Variants in SIPA1L1 observed in about 807,000 individuals in gnomAD.
SIPA1L1 encodes the protein signal-induced proliferation-associated 1-like protein 1.
In SIPA1L1, 26 loss-of-function variants were observed where a neutral mutation model predicts 162.7. That is an observed-to-expected ratio of 0.16 (90% CI 0.12 to 0.22). The LOEUF (loss-of-function observed/expected upper bound fraction) is 0.22, where lower values mean the gene tolerates loss of function less well. SIPA1L1 is among the 10% of genes least tolerant of loss of function. The probability of loss-of-function intolerance (pLI) is 1.00; values close to 1 mark genes in which losing one functional copy is unlikely to be tolerated. For missense variants in SIPA1L1, 1,874 were observed against 2,241.0 expected (o/e 0.84, Z 3.31); for synonymous variants, 829 against 837.4 (o/e 0.99, Z 0.17).
At chr14:71,466,054 C>T (rs571527550) in intron 2 of SIPA1L1, among the ~76,000 whole-genome samples, 1 of 152,312 alleles carries the variant, frequency 6.6e-6, no homozygotes, top group Admixed American at 6.5e-5. Flanking sequence ...CCCTCACAGA[C>T]ACACCCAGGA....
intron 3 of SIPA1L1, among the ~76,000 whole-genome samples, chr14:71,518,841 A>G (rs536913606): frequency 7.9e-5 from 12 of 152,152 alleles, no homozygotes; most frequent in Non-Finnish European, 1.3e-4. Context: ...GTTTAATTGG[A>G]CTTACAGTTC....
rs1363646849 is a variant in SIPA1L1 at position 71,377,079 on chromosome 14, G to A, written c.-465+55898G>A. 6.6e-6 allele frequency among the ~76,000 whole-genome samples: 1 copy of A among 152,200 alleles called. No homozygotes were observed. Among genetic ancestry groups the A allele is most frequent in the Non-Finnish European group, 1.5e-5 (1 of 68,020 alleles). ...TCCCAGACGGGGTGGCAGCTGGGCAGAGGGGCTCCTCACTTTCCAGATGTG... is the reference window on the plus strand; with the variant it reads ...TCCCAGACGGGGTGGCAGCTGGGCAAAGGGGCTCCTCACTTTCCAGATGTG... On this transcript the variant is annotated intron_variant, in intron 2 of 23. Transcript: ENST00000381232. This position sits in a 1 kb window ranked among gnomAD's most constrained non-coding sequence, Gnocchi z 4.8.
At chr14:71,378,454 T>C (rs2039608280) in intron 2 of SIPA1L1, among the ~76,000 whole-genome samples, 3 of 152,188 alleles carry the variant, frequency 2.0e-5, no homozygotes, top group Admixed American at 6.5e-5. Context: ...GTTTCATACA[T>C]TGGGGATTTT....
At chr14:71,532,335 T>C (rs1268569180) in intron 4 of SIPA1L1, among the ~76,000 whole-genome samples, 2 of 152,234 alleles carry the variant, frequency 1.3e-5, no homozygotes, top group East Asian at 3.8e-4. Flanking sequence ...TGTTTGTTTC[T>C]TGTGGAATGG....
At chr14:71,325,702 G>A (rs1013878683) in intron 2 of SIPA1L1, among the ~76,000 whole-genome samples, 1 of 152,218 alleles carries the variant, frequency 6.6e-6, no homozygotes, top group African/African-American at 2.4e-5. Context: ...GTAAGTAGTA[G>A]TGCATTGGTG....
intron 2 of SIPA1L1, among the ~76,000 whole-genome samples, chr14:71,503,100 G>C (rs2050386178): frequency 6.6e-6 from 1 of 152,108 alleles, no homozygotes; most frequent in Non-Finnish European, 1.5e-5. Context: ...ATAAATTTTA[G>C]CATGATGAAG....
At chr14:71,502,407 T>TTG (rs113441124) in intron 2 of SIPA1L1, among the ~76,000 whole-genome samples, 4,634 of 149,048 alleles carry the variant, frequency 0.031, 109 homozygotes, top group African/African-American at 0.07. Context: ...CCTGGCAATT[T>TTG]TGTGTGTGTG....
At chr14:71,609,560 G>C (rs1343670269) in intron 5 of SIPA1L1, among the ~76,000 whole-genome samples, 6 of 151,912 alleles carry the variant, frequency 3.9e-5, no homozygotes, top group Non-Finnish European at 8.8e-5. Flanking sequence ...TCCGCCTCCT[G>C]GGTTCAAGTG....
intron 4 of SIPA1L1, among the ~76,000 whole-genome samples, chr14:71,545,518 C>G (rs947791479): frequency 6.6e-6 from 1 of 151,992 alleles, no homozygotes; most frequent in Admixed American, 6.6e-5. Flanking sequence ...ATAACAATTG[C>G]TGTTTGTGTA....
At chr14:71,629,948 A>T (rs1258620213) in intron 7 of SIPA1L1, among the ~76,000 whole-genome samples, 3 of 152,196 alleles carry the variant, frequency 2.0e-5, no homozygotes, top group Admixed American at 2.0e-4. Flanking sequence ...TCGCCTATTC[A>T]TTGCCTTGCT....
At chr14:71,702,087 G>A (rs1323127974) in intron 14 of SIPA1L1, among the ~76,000 whole-genome samples, 4 of 152,168 alleles carry the variant, frequency 2.6e-5, no homozygotes, top group African/African-American at 9.7e-5. Context: ...GAAAATTTTG[G>A]TTTCTTATAC....
intron 2 of SIPA1L1, among the ~76,000 whole-genome samples, chr14:71,495,417 T>G (rs1344773672): frequency 6.6e-6 from 1 of 151,268 alleles, no homozygotes; most frequent in Non-Finnish European, 1.5e-5. Context: ...TGTTTTTATA[T>G]TTTCTTTTAT....
intron 2 of SIPA1L1, among the ~76,000 whole-genome samples, chr14:71,419,733 A>G (rs2043053681): frequency 6.6e-6 from 1 of 151,724 alleles, no homozygotes; most frequent in Non-Finnish European, 1.5e-5. Flanking sequence ...TCCTGACCTC[A>G]TGATCCACCT....
At chr14:71,704,710 G>A in intron 15 of SIPA1L1, 1 of 1,609,230 alleles carries the variant, frequency 6.2e-7, no homozygotes, top group Non-Finnish European at 8.5e-7. Flanking sequence ...TGTCTTTTCT[G>A]TTGTGCTCAG....
chr14:71,702,890 C>G (rs2082188093), intron 15 of SIPA1L1, among the ~76,000 whole-genome samples: 1 of 152,140 alleles, frequency 6.6e-6, no homozygotes, highest in Non-Finnish European at 1.5e-5. Flanking sequence ...AAAAGAGATA[C>G]AATTATTGTT....
chr14:71,671,334 C>A lies in SIPA1L1; in HGVS notation c.2471C>A (p.Thr824Asn). The A allele has an allele frequency of 1.2e-6, 2 of 1,614,226 alleles. No homozygotes were observed. The highest frequency in any genetic ancestry group is 1.1e-5 in the South Asian group (1 of 91,078). Residue 824 changes from threonine (T) to asparagine (N), a missense_variant, in exon 11 of 24, where the codon ACC (threonine) becomes AAC (asparagine). By Grantham distance (65) the Thr-to-Asn change is moderately conservative (BLOSUM62 0). This residue lies in a region of SIPA1L1 where 243 missense variants were observed against 315.0 expected (regional missense o/e 0.77). Transcript: ENST00000381232. ...KDLAEKNVTN[T>N]PIDPSGKFPF... ...CTGGCAGAAAAGAATGTCACCAACACCCCTATCGACCCTTCTGGCAAGTTT... is the reference window on the plus strand; with the variant it reads ...CTGGCAGAAAAGAATGTCACCAACAACCCTATCGACCCTTCTGGCAAGTTT...
intron 2 of SIPA1L1, among the ~76,000 whole-genome samples, chr14:71,401,106 T>C (rs1351138185): frequency 6.6e-6 from 1 of 152,180 alleles, no homozygotes; most frequent in East Asian, 1.9e-4. Context: ...TTTGATTGCT[T>C]ATGGGTATTC....
intron 2 of SIPA1L1, among the ~76,000 whole-genome samples, chr14:71,375,235 G>A (rs2141079962): frequency 6.6e-6 from 1 of 152,084 alleles, no homozygotes; most frequent in South Asian, 2.1e-4. Flanking sequence ...GGATTCTCTT[G>A]GGCTTTTTCC....
At chr14:71,322,574 C>T (rs764491457) in intron 2 of SIPA1L1, among the ~76,000 whole-genome samples, 4 of 152,096 alleles carry the variant, frequency 2.6e-5, no homozygotes, top group African/African-American at 7.2e-5. Flanking sequence ...TTATTAACTA[C>T]AATATTAATA....
Sources: gnomAD v4.1 joint callset for allele counts (sites outside exome capture counted in the v4.1 genomes callset) on GRCh38, gnomAD v4.1.1 for gene constraint, gnomAD v4.1.1 regional missense constraint, Gnocchi (gnomAD v3.1) non-coding constraint, MANE v1.5 for transcripts, NCBI Gene and HGNC (gene_info 2026-07-23, HGNC 2026-07-21) for gene names.